The following TSHR variants were observed in gnomAD, a reference collection of about 807,000 sequenced individuals.
The protein encoded by TSHR is thyroid stimulating hormone receptor.
Under a neutral mutation model 64.1 loss-of-function variants are expected in TSHR, and 51 were observed. That is an observed-to-expected ratio of 0.80 (90% confidence interval 0.64 to 1.01). The LOEUF is 1.01. Ranked by LOEUF, TSHR falls within the 50% of genes least tolerant of loss-of-function variation. TSHR has a pLI of 0.00. For synonymous variants in TSHR, 361 were observed against 361.9 expected (o/e 1.00, Z 0.03); for missense variants, 877 against 942.8 (o/e 0.93, Z 0.91).
intron 2 of TSHR, among the ~76,000 whole-genome samples, chr14:81,062,941 A>C (rs1443986434): frequency 1.3e-5 from 2 of 152,146 alleles, no homozygotes; most frequent in East Asian, 3.9e-4. Flanking sequence ...AGTAGTTCTC[A>C]ACCACAGACG....
rs2140111709 is a variant in TSHR, at chr14:81,143,627, C to T, written c.1569C>T (p.Ile523=). The part of the protein sequence containing the change: ...TVITLERWYA[I]TFAMRLDRKI... ...TCACCCTGGAGCGCTGGTATGCCATCACCTTCGCCATGCGCCTGGACCGGA... is the reference window on the plus strand; with the variant it reads ...TCACCCTGGAGCGCTGGTATGCCATTACCTTCGCCATGCGCCTGGACCGGA... Residue 523 remains isoleucine, a synonymous_variant, in exon 10 of 10, where the codon ATC becomes ATT. Coordinates refer to ENST00000298171, the MANE Select transcript of TSHR (RefSeq NM_000369.5). 1 of 1,614,050 alleles carries T rather than the reference C, an allele frequency of 6.2e-7. No homozygotes were observed. Among genetic ancestry groups the T allele is most frequent in the Non-Finnish European group, 8.5e-7 (1 of 1,180,034 alleles).
intron 1 of TSHR, chr14:81,012,927 CAGA>C (rs1889999739): frequency 2.0e-5 from 3 of 152,170 alleles, no homozygotes; most frequent in South Asian, 4.1e-4. Flanking sequence ...TTTTGCTGTG[CAGA>C]AGTTCTTTAG....
intron 8 of TSHR, among the ~76,000 whole-genome samples, chr14:81,130,509 CTCT>C (rs912555953): frequency 3.3e-5 from 5 of 152,026 alleles, no homozygotes; most frequent in Non-Finnish European, 7.4e-5. Flanking sequence ...GTTTTTCTAG[CTCT>C]TCTTCTTCTT....
chr14:81,061,691 T>A (rs770392708), intron 1 of TSHR, among the ~76,000 whole-genome samples: 13 of 152,018 alleles, frequency 8.6e-5, no homozygotes, highest in Non-Finnish European at 1.6e-4. Context: ...TATTGGGTAC[T>A]AGGCTTAGTA....
intron 1 of TSHR, among the ~76,000 whole-genome samples, chr14:80,960,229 C>A (rs1199937317): frequency 1.3e-5 from 2 of 152,232 alleles, no homozygotes; most frequent in African/African-American, 2.4e-5. Flanking sequence ...CTAAAATAAT[C>A]TCACGTACCT....
intron 1 of TSHR, among the ~76,000 whole-genome samples, chr14:80,973,508 G>T (rs113138897): frequency 6.6e-5 from 10 of 150,580 alleles, no homozygotes; most frequent in African/African-American, 2.4e-4. Flanking sequence ...TTCCCATCTT[G>T]TGAAGGAGGC....
At chr14:81,049,936 T>C (rs527562226) in intron 1 of TSHR, 1 of 152,186 alleles carries the variant, frequency 6.6e-6, no homozygotes, top group Non-Finnish European at 1.5e-5. Flanking sequence ...TGCAGAACTG[T>C]GAGTCAATTA....
At chr14:81,018,368 A>G (rs1025660333) in intron 1 of TSHR, among the ~76,000 whole-genome samples, 1 of 152,248 alleles carries the variant, frequency 6.6e-6, no homozygotes, top group African/African-American at 2.4e-5. Context: ...GAAATCAGTC[A>G]GTTATCCAGT....
rs1236194875 is a variant in TSHR at position 81,139,888 on chromosome 14, A to G, written c.881+21A>G. The G allele has an allele frequency of 1.9e-6, 3 of 1,613,816 alleles. No homozygotes were observed. The African/African-American group carries it at 4.0e-5, about 22-fold the overall frequency. Reference sequence around the variant, plus strand: ...AGAGGGTAAGTGGCAGGGACCCGGCATAAGTGACAAAAGACCTTGGTGGAA... The same window carrying G: ...AGAGGGTAAGTGGCAGGGACCCGGCGTAAGTGACAAAAGACCTTGGTGGAA... On this transcript the variant is annotated intron_variant, in intron 9 of 9. Coordinates refer to ENST00000298171, the MANE Select transcript of TSHR (RefSeq NM_000369.5).
At chr14:81,047,464 C>A (rs111906129) in intron 1 of TSHR, among the ~76,000 whole-genome samples, 1 of 152,096 alleles carries the variant, frequency 6.6e-6, no homozygotes, top group Non-Finnish European at 1.5e-5. Context: ...TGCCTTAAGA[C>A]AATTAGGTGT....
At chr14:81,073,014 AAAAATAAAT>A (rs1175720789) in intron 3 of TSHR, among the ~76,000 whole-genome samples, 1 of 79,596 alleles carries the variant, frequency 1.3e-5, no homozygotes, top group Admixed American at 1.4e-4. Flanking sequence ...AAAAAAAATA[AAAAATAAAT>A]ATATATATAT....
intron 1 of TSHR, among the ~76,000 whole-genome samples, chr14:81,037,210 A>AC (rs1263871072): frequency 1.3e-5 from 2 of 152,038 alleles, no homozygotes; most frequent in African/African-American, 4.8e-5. Context: ...GAATACTTGC[A>AC]TGTAGCCAAA....
intron 8 of TSHR, among the ~76,000 whole-genome samples, chr14:81,130,709 G>GACTGCCGTCACCATCTGGATGTCTAATA (rs1555385153): frequency 2.8e-4 from 39 of 140,208 alleles, no homozygotes; most frequent in South Asian, 9.4e-4. Flanking sequence ...AACACTGCTT[G>GACTGCCGTCACCATCTGGATGTCTAATA]GGCCGGGCGC....
chr14:81,125,857 C>T (rs1006339363), intron 8 of TSHR, among the ~76,000 whole-genome samples: 33 of 151,846 alleles, frequency 2.2e-4, no homozygotes, highest in African/African-American at 6.5e-4. Context: ...GTAGGTCATC[C>T]CTCCTAAGTC....
intron 8 of TSHR, among the ~76,000 whole-genome samples, chr14:81,135,896 G>T (rs150655779): frequency 4.1e-4 from 63 of 152,354 alleles, no homozygotes; most frequent in African/African-American, 1.4e-3. Context: ...AAAAAAGGCA[G>T]TTGTTCCCCC....
intron 1 of TSHR, chr14:80,981,938 C>G (rs3783950): frequency 0.51 from 139,568 of 276,362 alleles, 35,881 homozygotes; most frequent in East Asian, 0.65. Flanking sequence ...CCTAGGACAC[C>G]TTGAGAACCA....
chr14:81,050,876 G>T (rs1885396332), intron 1 of TSHR: 1 of 151,858 alleles, frequency 6.6e-6, no homozygotes, highest in Admixed American at 6.6e-5. Context: ...AGATTTTATG[G>T]GTCCTTTCCA....
At chr14:80,958,705 T>C (rs1886850888) in intron 1 of TSHR, among the ~76,000 whole-genome samples, 1 of 152,120 alleles carries the variant, frequency 6.6e-6, no homozygotes, top group Admixed American at 6.6e-5. Context: ...TTATGGAAGG[T>C]ATTCCTTGCT....
rs1566794433 is a variant in TSHR, at chr14:81,073,021, A to AAAAAAAAAT, written c.317+4694_317+4695insAAAAAAATA. Reference sequence around the variant, plus strand: ...CAAAAAAAAAAAAAAATAAAAAATAAATATATATATATATATATATATATA... The same window carrying AAAAAAAAAT: ...CAAAAAAAAAAAAAAATAAAAAATAAAAAAAAAATATATATATATATATATATATATATA... On this transcript the variant is annotated intron_variant, in intron 3 of 9. Transcript: ENST00000298171. 4.9e-4 allele frequency among the ~76,000 whole-genome samples: 24 copies of AAAAAAAAAT among 48,566 alleles called. 1 individual carries two copies. The highest frequency in any genetic ancestry group is 1.4e-3 in the African/African-American group (20 of 14,216). 31.9% of individuals were successfully genotyped at this position (48,566 alleles called of 152,430 possible).
Sources: gnomAD v4.1 joint callset for allele counts (sites outside exome capture counted in the v4.1 genomes callset) on GRCh38, gnomAD v4.1.1 for gene constraint, MANE v1.5 for transcripts, NCBI Gene and HGNC (gene_info 2026-07-23, HGNC 2026-07-21) for gene names.